Variants in XKR4 observed in about 807,000 individuals in gnomAD.
XKR4 encodes XK related 4.
Under a neutral mutation model 53.9 loss-of-function variants are expected in XKR4, and 12 were observed. The ratio of observed to expected loss-of-function variants is 0.22; its 90% CI spans 0.14 to 0.36. The LOEUF (loss-of-function observed/expected upper bound fraction) is 0.36. Among genes scored for constraint, XKR4 ranks in the 10% least tolerant of loss-of-function variants. The pLI is 1.00. For synonymous variants in XKR4, 354 were observed against 362.4 expected, an observed-to-expected ratio of 0.98 and a Z score of 0.26; for missense variants, 799 against 859.5, an observed-to-expected ratio of 0.93 and a Z score of 0.88.
chr8:55,304,153 T>G (rs1280355195), intron 1 of XKR4, among the ~76,000 whole-genome samples: 2 of 152,198 alleles, frequency 1.3e-5, no homozygotes, highest in African/African-American at 4.8e-5. Context: ...TAAATTTCCC[T>G]CTACACACTG....
At chr8:55,127,064 TG>T (rs1585892400) in intron 1 of XKR4, among the ~76,000 whole-genome samples, 1 of 152,228 alleles carries the variant, frequency 6.6e-6, no homozygotes, top group East Asian at 1.9e-4. Context: ...CCTGTGCTAG[TG>T]GGTTGCATGG....
chr8:55,249,081 C>A (rs1382205834), intron 1 of XKR4, among the ~76,000 whole-genome samples: 1 of 152,144 alleles, frequency 6.6e-6, no homozygotes, highest in Non-Finnish European at 1.5e-5. Context: ...CAGGCAATAT[C>A]CCTGCTTTCA....
At chr8:55,304,264 G>C (rs1217644855) in intron 1 of XKR4, among the ~76,000 whole-genome samples, 4 of 152,194 alleles carry the variant, frequency 2.6e-5, no homozygotes, top group Non-Finnish European at 5.9e-5. Flanking sequence ...GTACCCAGTA[G>C]TCATTCAGGA....
intron 2 of XKR4, among the ~76,000 whole-genome samples, chr8:55,399,482 C>T (rs544809976): frequency 6.6e-6 from 1 of 152,168 alleles, no homozygotes; most frequent in Non-Finnish European, 1.5e-5. Context: ...TTGATTTCTA[C>T]CTGATTTTAT....
At chr8:55,241,029 T>C (rs1818203375) in intron 1 of XKR4, among the ~76,000 whole-genome samples, 1 of 152,220 alleles carries the variant, frequency 6.6e-6, no homozygotes, top group South Asian at 2.1e-4. Flanking sequence ...AAGCAGCCTG[T>C]CTATTTTAAG....
chr8:55,142,327 C>T (rs890227729), intron 1 of XKR4: 17 of 367,690 alleles, frequency 4.6e-5, no homozygotes, highest in South Asian at 3.0e-4. Context: ...GTACTGGCTG[C>T]CTGCCCTCTT....
At chr8:55,116,631 A>G (rs1294899970) in intron 1 of XKR4, among the ~76,000 whole-genome samples, 1 of 152,216 alleles carries the variant, frequency 6.6e-6, no homozygotes, top group African/African-American at 2.4e-5. Flanking sequence ...CTTATTTCAC[A>G]TTAAACAAGA....
chr8:55,237,693 C>G (rs535036900), intron 1 of XKR4, among the ~76,000 whole-genome samples: 2 of 152,272 alleles, frequency 1.3e-5, no homozygotes, highest in Admixed American at 6.5e-5. Flanking sequence ...AGAACTAATA[C>G]AAGGACTAAA....
At chr8:55,426,973 C>T (rs905472633) in intron 2 of XKR4, among the ~76,000 whole-genome samples, 1 of 152,162 alleles carries the variant, frequency 6.6e-6, no homozygotes, top group African/African-American at 2.4e-5. Flanking sequence ...CCACTGCCTA[C>T]AGTTGCTATT....
intron 1 of XKR4, among the ~76,000 whole-genome samples, chr8:55,239,589 T>C (rs955034857): frequency 3.3e-5 from 5 of 152,224 alleles, no homozygotes; most frequent in Admixed American, 6.5e-5. Context: ...TGTGTTCCTC[T>C]TCCCCTCTCA....
At chr8:55,164,547 T>C in intron 1 of XKR4, 1 of 429,818 alleles carries the variant, frequency 2.3e-6, no homozygotes, top group Non-Finnish European at 4.7e-6. Context: ...TCTTTTTACA[T>C]TGAGGGTAGT....
At chr8:55,442,229 A>G (rs186966371) in intron 2 of XKR4, among the ~76,000 whole-genome samples, 2 of 152,308 alleles carry the variant, frequency 1.3e-5, no homozygotes, top group African/African-American at 4.8e-5. Flanking sequence ...GTTGAATTGG[A>G]CAAAGTTCTG....
chr8:55,459,734 C>G (rs1256225078), intron 2 of XKR4, among the ~76,000 whole-genome samples: 2 of 151,906 alleles, frequency 1.3e-5, no homozygotes, highest in Non-Finnish European at 2.9e-5. Flanking sequence ...AAGCGCACAC[C>G]CACTATAATG....
At chr8:55,212,538 A>G (rs553251771) in intron 1 of XKR4, among the ~76,000 whole-genome samples, 1 of 152,284 alleles carries the variant, frequency 6.6e-6, no homozygotes, top group South Asian at 2.1e-4. Context: ...AATGAGGCAT[A>G]TCCTACCATC....
chr8:55,509,521 C>A (rs950447626), intron 2 of XKR4, among the ~76,000 whole-genome samples: 1 of 152,214 alleles, frequency 6.6e-6, no homozygotes. Context: ...CAGAGCACCT[C>A]AAAATTTGGC....
At chr8:55,233,827 G>T (rs1818080336) in intron 1 of XKR4, among the ~76,000 whole-genome samples, 1 of 152,150 alleles carries the variant, frequency 6.6e-6, no homozygotes, top group South Asian at 2.1e-4. Context: ...GCACATACCT[G>T]TTGCTAACAC....
intron 2 of XKR4, among the ~76,000 whole-genome samples, chr8:55,490,082 A>T (rs1284783118): frequency 6.6e-6 from 1 of 151,206 alleles, no homozygotes; most frequent in Non-Finnish European, 1.5e-5. Flanking sequence ...CATTTCTGAC[A>T]CTCTTTATTA....
intron 1 of XKR4, among the ~76,000 whole-genome samples, chr8:55,225,359 A>G (rs1817938443): frequency 6.6e-6 from 1 of 152,236 alleles, no homozygotes; most frequent in Non-Finnish European, 1.5e-5. Context: ...ATTACGCTTT[A>G]GGTGGGATAG....
intron 1 of XKR4, among the ~76,000 whole-genome samples, chr8:55,231,313 C>T (rs901097675): frequency 5.3e-5 from 8 of 152,116 alleles, no homozygotes; most frequent in Admixed American, 5.2e-4. Context: ...CAGGGAACAC[C>T]CTGAGTAAAG....
Sources: allele counts gnomAD v4.1 joint callset (sites outside exome capture counted in the v4.1 genomes callset), GRCh38; gene constraint gnomAD v4.1.1; transcripts MANE v1.5; gene names NCBI Gene and HGNC (gene_info 2026-07-23, HGNC 2026-07-21).